Variants in TSNARE1 observed in about 807,000 individuals in gnomAD.
TSNARE1 encodes the protein t-SNARE domain containing 1, also known as t-SNARE domain-containing protein 1.
TSNARE1 carries 49 observed loss-of-function variants against 62.0 expected under a neutral mutation model. The ratio of observed to expected loss-of-function variants is 0.79; its 90% CI spans 0.63 to 1.00. The LOEUF is 1.00. Among genes scored for constraint, TSNARE1 ranks in the 50% least tolerant of loss-of-function variants. The pLI is 0.00. For missense variants in TSNARE1, 755 were observed against 700.1 expected (o/e 1.08, Z -0.88); for synonymous variants, 328 against 294.4 (o/e 1.11, Z -1.17).
chr8:142,213,807 G>A (rs529677779), intron 13 of TSNARE1, among the ~76,000 whole-genome samples: 5 of 152,198 alleles, frequency 3.3e-5, no homozygotes, highest in South Asian at 2.1e-4. Flanking sequence ...GGTGGCCCAC[G>A]TGATGTGCAG....
chr8:142,253,995 G>A (rs1291907343), intron 12 of TSNARE1, among the ~76,000 whole-genome samples: 1 of 152,240 alleles, frequency 6.6e-6, no homozygotes, highest in Non-Finnish European at 1.5e-5. Context: ...AAGACGCCAA[G>A]CCTTTTCCAG....
At chr8:142,279,826 C>T (rs761347693) in intron 11 of TSNARE1, 3 of 1,005,888 alleles carry the variant, frequency 3.0e-6, no homozygotes, top group Non-Finnish European at 3.6e-6. Flanking sequence ...GCAGTGTGGT[C>T]CGGGGGGGCG....
intron 10 of TSNARE1, among the ~76,000 whole-genome samples, chr8:142,285,278 A>AGGTG (rs1321465143): frequency 1.4e-5 from 2 of 140,586 alleles, no homozygotes; most frequent in Non-Finnish European, 3.1e-5. Flanking sequence ...ATGGATGGGT[A>AGGTG]GGTGGATGGA....
intron 1 of TSNARE1, among the ~76,000 whole-genome samples, chr8:142,375,634 GCT>G (rs1171935041): frequency 1.3e-5 from 2 of 152,250 alleles, no homozygotes; most frequent in Non-Finnish European, 2.9e-5. Flanking sequence ...CACACTGCAT[GCT>G]CTCTCAAAGG....
At chr8:142,276,928 AG>A (rs2130669283) in intron 11 of TSNARE1, 1 of 985,468 alleles carries the variant, frequency 1.0e-6, no homozygotes, top group East Asian at 1.1e-4. Context: ...CCAGGCTGCC[AG>A]GTGGGCACGC....
chr8:142,354,646 G>A lies in TSNARE1; in HGVS notation c.79C>T (p.Gln27Ter). Residue 27 changes from glutamine (Q) to a stop codon, truncating the protein, a stop_gained, in exon 2 of 14, where the codon CAG becomes TAG. Coordinates refer to ENST00000524325, the MANE Select transcript of TSNARE1 (RefSeq NM_145003.5). LOFTEE classifies it high-confidence loss of function. ...CAGCTACTATCATTACCTAGGGGCT[G>A]ACAGCCTTGTCTCGAAGGTCCCCCG... ...PFGGPSRQGC[Q>*]PLECARCWTE... 2 of 1,612,384 alleles carry A rather than the reference G, an allele frequency of 1.2e-6. No individual in the cohort carries two copies. The highest frequency in any genetic ancestry group is 1.7e-4 in the Middle Eastern group (1 of 6,052).
intron 12 of TSNARE1, among the ~76,000 whole-genome samples, chr8:142,244,725 T>TAGCAACTAAGACAGTG (rs1817808935): frequency 6.6e-6 from 1 of 151,744 alleles, no homozygotes; most frequent in African/African-American, 2.4e-5. Context: ...TACGGAAGAG[T>TAGCAACTAAGACAGTG]AGCAACTAAG....
chr8:142,222,014 C>T, intron 13 of TSNARE1, among the ~76,000 whole-genome samples: 1 of 148,554 alleles, frequency 6.7e-6, no homozygotes, highest in South Asian at 2.1e-4. Flanking sequence ...TTCACTCACT[C>T]ACTCACTCAT....
chr8:142,262,365 T>G lies in TSNARE1; in HGVS notation c.1446+12416A>C, dbSNP rs187960230. Among the ~76,000 whole-genome samples the G allele has an allele frequency of 2.0e-3, 311 of 152,254 alleles. 2 individuals are homozygous for G. Among genetic ancestry groups the G allele is most frequent in the Non-Finnish European group, 2.8e-3 (191 of 68,018 alleles). ...TGTGTGTGTCCATTTATTTAGAATTTTTTATGTATTGTAATAAAGCTTTAT... is the reference window on the plus strand; with the variant it reads ...TGTGTGTGTCCATTTATTTAGAATTGTTTATGTATTGTAATAAAGCTTTAT... On this transcript the variant is annotated intron_variant, in intron 12 of 13. Coordinates refer to ENST00000524325, the MANE Select transcript of TSNARE1 (RefSeq NM_145003.5).
chr8:142,241,562 A>G (rs1817667781), intron 12 of TSNARE1, among the ~76,000 whole-genome samples: 1 of 152,236 alleles, frequency 6.6e-6, no homozygotes, highest in African/African-American at 2.4e-5. Context: ...AATCCTAAGC[A>G]AACAGATGAA....
intron 11 of TSNARE1, among the ~76,000 whole-genome samples, chr8:142,283,672 G>A (rs1462617195): frequency 1.3e-5 from 2 of 150,968 alleles, no homozygotes; most frequent in Non-Finnish European, 3.0e-5. Flanking sequence ...AATGAGCGGA[G>A]GTGGGACCAG....
At chr8:142,264,927 C>T (rs538408814) in intron 12 of TSNARE1, among the ~76,000 whole-genome samples, 3 of 152,262 alleles carry the variant, frequency 2.0e-5, no homozygotes, top group East Asian at 1.9e-4. Context: ...TTTGTGTTCT[C>T]GCCCTGTCCT....
At chr8:142,271,716 T>G in intron 12 of TSNARE1, 1 of 1,348,286 alleles carries the variant, frequency 7.4e-7, no homozygotes, top group Non-Finnish European at 9.5e-7. Context: ...CAGGAAAATG[T>G]CAGCCTGCAC....
chr8:142,317,546 C>T (rs1828777171), intron 7 of TSNARE1, among the ~76,000 whole-genome samples: 1 of 152,374 alleles, frequency 6.6e-6, no homozygotes, highest in Non-Finnish European at 1.5e-5. Flanking sequence ...TTGCTGACTC[C>T]TGCCCTGTAA....
intron 1 of TSNARE1, among the ~76,000 whole-genome samples, chr8:142,389,413 A>C (rs979675799): frequency 6.6e-6 from 1 of 152,232 alleles, no homozygotes; most frequent in African/African-American, 2.4e-5. Flanking sequence ...ATAATTTGGC[A>C]ATGTACATCA....
At chr8:142,242,943 G>A (rs1240445408) in intron 12 of TSNARE1, among the ~76,000 whole-genome samples, 4 of 82,766 alleles carry the variant, frequency 4.8e-5, no homozygotes, top group African/African-American at 2.4e-4. Flanking sequence ...GTGAAACTCT[G>A]TCTCAAAAAA....
chr8:142,309,554 A>G (rs1827249060), intron 9 of TSNARE1, among the ~76,000 whole-genome samples: 1 of 152,190 alleles, frequency 6.6e-6, no homozygotes, highest in African/African-American at 2.4e-5. Flanking sequence ...TACATGGTGA[A>G]TCACACACAG....
intron 2 of TSNARE1, among the ~76,000 whole-genome samples, chr8:142,353,972 T>G (rs947501704): frequency 3.3e-5 from 5 of 152,024 alleles, no homozygotes; most frequent in Admixed American, 3.3e-4. Context: ...ACAACCCTCA[T>G]GGCGGCTGCC....
chr8:142,389,268 C>T (rs777623312), intron 1 of TSNARE1, among the ~76,000 whole-genome samples: 1 of 152,160 alleles, frequency 6.6e-6, no homozygotes, highest in Non-Finnish European at 1.5e-5. Context: ...TTAAAGACAA[C>T]CATTTAGTCC....
Sources: gnomAD v4.1 joint callset for allele counts (sites outside exome capture counted in the v4.1 genomes callset) on GRCh38, gnomAD v4.1.1 for gene constraint, MANE v1.5 for transcripts, NCBI Gene and HGNC (gene_info 2026-07-23, HGNC 2026-07-21) for gene names.